Variants in TANC2 observed in about 807,000 individuals in gnomAD.
The protein encoded by TANC2 is protein TANC2.
TANC2 carries 26 observed loss-of-function variants against 210.5 expected under a neutral mutation model. The observed-to-expected ratio is 0.12, with a 90% confidence interval of 0.09 to 0.17. TANC2 has a LOEUF of 0.17. Among genes scored for constraint, TANC2 ranks in the 10% least tolerant of loss-of-function variants. TANC2 has a pLI of 1.00. For missense variants in TANC2, 2,129 were observed against 2,608.9 expected, an observed-to-expected ratio of 0.82 and a Z score of 4.01; for synonymous variants, 931 against 967.1, an observed-to-expected ratio of 0.96 and a Z score of 0.69.
intron 3 of TANC2, among the ~76,000 whole-genome samples, chr17:63,080,579 T>G (rs1026813655): frequency 6.6e-6 from 1 of 152,238 alleles, no homozygotes; most frequent in Non-Finnish European, 1.5e-5. Context: ...GGTGTGTCAA[T>G]AGAACTAGTA....
chr17:63,218,868 T>TG (rs2042093336), intron 7 of TANC2, among the ~76,000 whole-genome samples: 1 of 151,914 alleles, frequency 6.6e-6, no homozygotes, highest in African/African-American at 2.4e-5. Flanking sequence ...CACTGCAGCC[T>TG]GGGCAACAAG....
At chr17:63,154,941 A>G (rs920888546) in intron 5 of TANC2, 2 of 152,130 alleles carry the variant, frequency 1.3e-5, no homozygotes, top group Non-Finnish European at 2.9e-5. Flanking sequence ...ATAGGAAAAA[A>G]TTTCTGGAAG....
chr17:63,126,300 A>G (rs1461373884), intron 4 of TANC2, among the ~76,000 whole-genome samples: 2 of 152,332 alleles, frequency 1.3e-5, no homozygotes, highest in South Asian at 2.1e-4. Flanking sequence ...TAGAGCTTCA[A>G]TAATATTCTT....
At chr17:63,122,920 G>A (rs1024088573) in intron 4 of TANC2, among the ~76,000 whole-genome samples, 4 of 152,160 alleles carry the variant, frequency 2.6e-5, no homozygotes, top group African/African-American at 9.7e-5. Context: ...AAGCAAAAGT[G>A]TACAAAATGC....
chr17:63,373,411 G>T (rs759625561), intron 14 of TANC2, among the ~76,000 whole-genome samples: 3 of 152,124 alleles, frequency 2.0e-5, no homozygotes, highest in Non-Finnish European at 2.9e-5. Flanking sequence ...GTTCTTTACA[G>T]TGGTGGATTT....
At chr17:63,379,113 G>A (rs1021752751) in intron 14 of TANC2, among the ~76,000 whole-genome samples, 4 of 152,162 alleles carry the variant, frequency 2.6e-5, no homozygotes, top group African/African-American at 9.7e-5. Flanking sequence ...AGCATGGGTG[G>A]AATGAGAGTT....
chr17:63,080,216 G>A (rs2144709200), intron 3 of TANC2, among the ~76,000 whole-genome samples: 1 of 152,212 alleles, frequency 6.6e-6, no homozygotes, highest in East Asian at 1.9e-4. Flanking sequence ...TTCGGATTCT[G>A]TATTTCAGAA....
chr17:63,011,335 A>G (rs1281421023), intron 2 of TANC2, among the ~76,000 whole-genome samples: 1 of 151,790 alleles, frequency 6.6e-6, no homozygotes, highest in Non-Finnish European at 1.5e-5. Flanking sequence ...TTCTTTTGAT[A>G]TTTATTGAGA....
At chr17:63,181,081 G>A (rs896319052) in intron 5 of TANC2, among the ~76,000 whole-genome samples, 9 of 143,262 alleles carry the variant, frequency 6.3e-5, no homozygotes, top group Non-Finnish European at 1.4e-4. Flanking sequence ...ATTTAGCTCC[G>A]AATTAGAGGG....
chr17:63,394,556 C>T (rs1392925009), intron 17 of TANC2, among the ~76,000 whole-genome samples: 4 of 152,220 alleles, frequency 2.6e-5, no homozygotes, highest in African/African-American at 9.6e-5. Flanking sequence ...GACCACTTAG[C>T]CTGGCATTCA....
At chr17:63,199,478 G>T (rs1268961215) in intron 6 of TANC2, among the ~76,000 whole-genome samples, 1 of 151,952 alleles carries the variant, frequency 6.6e-6, no homozygotes, top group East Asian at 1.9e-4. Flanking sequence ...AATTAGCCAG[G>T]CGTGATATTT....
intron 5 of TANC2, among the ~76,000 whole-genome samples, chr17:63,180,695 C>T (rs1257160638): frequency 6.6e-6 from 1 of 152,046 alleles, no homozygotes; most frequent in Non-Finnish European, 1.5e-5. Flanking sequence ...TTGAATGCCT[C>T]CTATGTGTTA....
chr17:63,159,172 A>G (rs1567772766), intron 5 of TANC2, among the ~76,000 whole-genome samples: 2 of 152,114 alleles, frequency 1.3e-5, no homozygotes, highest in Non-Finnish European at 1.5e-5. Flanking sequence ...AGTAGGTCCA[A>G]CTCACACTCA....
chr17:63,282,272 A>T (rs984196891), intron 9 of TANC2, among the ~76,000 whole-genome samples: 1 of 152,054 alleles, frequency 6.6e-6, no homozygotes, highest in Non-Finnish European at 1.5e-5. Context: ...CAAATTACTA[A>T]TATCAGGAAT....
intron 2 of TANC2, among the ~76,000 whole-genome samples, chr17:63,063,498 T>G (rs2036069848): frequency 6.6e-6 from 1 of 150,408 alleles, no homozygotes; most frequent in African/African-American, 2.4e-5. Flanking sequence ...TTCCAAAAGA[T>G]TAAGAGGCCT....
chr17:63,425,092 G>C (rs1389489379), exon 28 of TANC2: 2 of 152,046 alleles, frequency 1.3e-5, no homozygotes, highest in Non-Finnish European at 2.9e-5. Context: ...ACAAAATGGA[G>C]ACCATTTTGT....
intron 2 of TANC2, among the ~76,000 whole-genome samples, chr17:63,071,357 G>T (rs2036390342): frequency 6.6e-6 from 1 of 152,018 alleles, no homozygotes; most frequent in Non-Finnish European, 1.5e-5. Flanking sequence ...TGTGATCATA[G>T]CATAGCTCAT....
At chr17:63,048,074 A>G (rs902136795) in intron 2 of TANC2, among the ~76,000 whole-genome samples, 2 of 152,172 alleles carry the variant, frequency 1.3e-5, no homozygotes, top group Non-Finnish European at 2.9e-5. Context: ...TACCCCAGGT[A>G]TAGGTAGGAC....
intron 4 of TANC2, among the ~76,000 whole-genome samples, chr17:63,142,776 A>G (rs1354500255): frequency 6.6e-6 from 1 of 152,218 alleles, no homozygotes; most frequent in Non-Finnish European, 1.5e-5. Flanking sequence ...AGTGAAATTA[A>G]TGGGTCTTCT....
Sources: allele counts gnomAD v4.1 joint callset (sites outside exome capture counted in the v4.1 genomes callset), GRCh38; gene constraint gnomAD v4.1.1; transcripts MANE v1.5; gene names NCBI Gene and HGNC (gene_info 2026-07-23, HGNC 2026-07-21).